SCHIP1: variants seen among roughly 807,000 people sequenced by gnomAD.
SCHIP1 encodes schwannomin-interacting protein 1.
A neutral mutation model predicts 29.7 loss-of-function variants in SCHIP1; 8 were observed. The ratio of observed to expected loss-of-function variants is 0.27; its 90% confidence interval spans 0.16 to 0.49. The LOEUF is 0.49. Among genes scored for constraint, SCHIP1 ranks in the 20% least tolerant of loss-of-function variants. The pLI, the probability that SCHIP1 is intolerant of heterozygous loss-of-function variation, is 0.99. For synonymous variants in SCHIP1, 76 were observed against 94.9 expected, an observed-to-expected ratio of 0.80 and a Z score of 1.16; for missense variants, 193 against 294.6, an observed-to-expected ratio of 0.66 and a Z score of 2.52.
chr3:159,766,574 G>A, the SCHIP1 span, among the ~76,000 whole-genome samples: 6 of 152,204 alleles, frequency 3.9e-5, no homozygotes, highest in African/African-American at 7.2e-5. Flanking sequence ...AAATAAGCAG[G>A]AGGTTAGTTT....
chr3:159,399,164 C>G, the SCHIP1 span, among the ~76,000 whole-genome samples: 1 of 152,278 alleles, frequency 6.6e-6, no homozygotes. Context: ...TCTGCACAGC[C>G]AATTTTATTA....
At chr3:159,806,137 A>C in the SCHIP1 span, among the ~76,000 whole-genome samples, 1 of 152,208 alleles carries the variant, frequency 6.6e-6, no homozygotes, top group Non-Finnish European at 1.5e-5. Flanking sequence ...ACAACTAAGC[A>C]ATCAATTGTG....
At chr3:159,645,546 G>A in the SCHIP1 span, among the ~76,000 whole-genome samples, 4 of 152,034 alleles carry the variant, frequency 2.6e-5, no homozygotes, top group East Asian at 1.9e-4. Flanking sequence ...TCTTTCAATC[G>A]TCTACACATT....
the SCHIP1 span, among the ~76,000 whole-genome samples, chr3:159,393,323 T>C: frequency 6.6e-6 from 1 of 152,178 alleles, no homozygotes; most frequent in Non-Finnish European, 1.5e-5. Context: ...TTTAATTAGA[T>C]CCCATTTGTC....
the SCHIP1 span, among the ~76,000 whole-genome samples, chr3:159,545,353 G>A: frequency 6.6e-6 from 1 of 151,962 alleles, no homozygotes; most frequent in Non-Finnish European, 1.5e-5. Flanking sequence ...AGCTGCCATA[G>A]AGGCTAGAAT....
chr3:159,778,313 G>GT, the SCHIP1 span, among the ~76,000 whole-genome samples: 6 of 149,542 alleles, frequency 4.0e-5, no homozygotes, highest in East Asian at 1.9e-4. Context: ...TTTTATATTA[G>GT]TTTTTTTTTA....
the SCHIP1 span, among the ~76,000 whole-genome samples, chr3:159,749,515 T>A: frequency 6.6e-6 from 1 of 152,204 alleles, no homozygotes; most frequent in Non-Finnish European, 1.5e-5. Flanking sequence ...TTTGTGTTCA[T>A]CATGCTCCCA....
the SCHIP1 span, among the ~76,000 whole-genome samples, chr3:159,640,796 TG>T: frequency 1.3e-5 from 2 of 152,096 alleles, no homozygotes; most frequent in East Asian, 3.9e-4. Context: ...CATGCCACCA[TG>T]GGGATTGATA....
At chr3:159,494,088 A>G in the SCHIP1 span, among the ~76,000 whole-genome samples, 2 of 152,160 alleles carry the variant, frequency 1.3e-5, no homozygotes, top group Non-Finnish European at 2.9e-5. Context: ...GAATCTCTGG[A>G]ACATATTCAA....
chr3:159,482,367 T>A, the SCHIP1 span, among the ~76,000 whole-genome samples: 2 of 152,138 alleles, frequency 1.3e-5, no homozygotes, highest in African/African-American at 4.8e-5. Context: ...TGTCCTAAAC[T>A]GCAAGGAGTT....
At chr3:159,715,052 A>AG in the SCHIP1 span, among the ~76,000 whole-genome samples, 6 of 152,230 alleles carry the variant, frequency 3.9e-5, no homozygotes, top group Non-Finnish European at 8.8e-5. Flanking sequence ...AAGCTTCCAA[A>AG]GGAATGATCA....
At chr3:159,831,271 T>C in the SCHIP1 span, among the ~76,000 whole-genome samples, 2 of 152,172 alleles carry the variant, frequency 1.3e-5, no homozygotes, top group Non-Finnish European at 2.9e-5. Flanking sequence ...TCTTTAGTCT[T>C]TTCATCCCTT....
the SCHIP1 span, among the ~76,000 whole-genome samples, chr3:159,356,086 A>G: frequency 2.0e-5 from 3 of 152,200 alleles, no homozygotes; most frequent in African/African-American, 7.2e-5. Flanking sequence ...ACTAGTTTAC[A>G]GTCCCACCAA....
the SCHIP1 span, among the ~76,000 whole-genome samples, chr3:159,736,668 C>T: frequency 6.6e-6 from 1 of 152,136 alleles, no homozygotes; most frequent in Middle Eastern, 3.2e-3. Flanking sequence ...CAGTCTACTG[C>T]ATGCCTGCAC....
the SCHIP1 span, among the ~76,000 whole-genome samples, chr3:159,281,129 G>A: frequency 6.6e-5 from 10 of 152,268 alleles, no homozygotes; most frequent in East Asian, 1.9e-3. Flanking sequence ...TTTTGAAAGA[G>A]AGCTATTGCT....
At chr3:159,704,809 TTTTC>T in the SCHIP1 span, among the ~76,000 whole-genome samples, 482 of 152,152 alleles carry the variant, frequency 3.2e-3, 4 homozygotes, top group African/African-American at 0.011. Context: ...TAATACAATA[TTTTC>T]TTTCTTTCTT....
At chr3:159,502,688 C>T in the SCHIP1 span, among the ~76,000 whole-genome samples, 1 of 151,890 alleles carries the variant, frequency 6.6e-6, no homozygotes, top group Non-Finnish European at 1.5e-5. Flanking sequence ...GTTCCCCTTC[C>T]TGTGTCCATG....
chr3:159,637,371 C>CCACACACACACACACACACACA, the SCHIP1 span, among the ~76,000 whole-genome samples: 6 of 134,576 alleles, frequency 4.5e-5, no homozygotes, highest in Non-Finnish European at 6.4e-5. Flanking sequence ...CCGGCCCCAG[C>CCACACACACACACACACACACA]CACACACACA....
At chr3:159,896,587 G>T in intron 6 of SCHIP1, 136 bp from the exon 8 acceptor site, 1 of 722,946 alleles carries the variant, frequency 1.4e-6, no homozygotes, top group East Asian at 3.1e-5. Context: ...TTTGAATAAG[G>T]TACTTTTTCT....
Sources: gnomAD v4.1 joint callset for allele counts (sites outside exome capture counted in the v4.1 genomes callset) on GRCh38, gnomAD v4.1.1 for gene constraint, MANE v1.5 for transcripts, NCBI Gene and HGNC (gene_info 2026-07-23, HGNC 2026-07-21) for gene names.